Variants in AOAH observed in about 807,000 individuals in gnomAD.
The protein encoded by AOAH is acyloxyacyl hydrolase (neutrophil).
AOAH carries 64 observed loss-of-function variants against 92.2 expected under a neutral mutation model. That is an observed-to-expected ratio of 0.69 (90% confidence interval 0.57 to 0.86). The LOEUF (loss-of-function observed/expected upper bound fraction) is 0.86, where lower values mean the gene tolerates loss of function less well. Among genes scored for constraint, AOAH ranks in the 40% least tolerant of loss-of-function variants. The pLI, the probability that AOAH is intolerant of heterozygous loss-of-function variation, is 0.00. For missense variants in AOAH, 656 were observed against 694.6 expected, an observed-to-expected ratio of 0.94 and a Z score of 0.62; for synonymous variants, 263 against 254.5, an observed-to-expected ratio of 1.03 and a Z score of -0.32.
intron 13 of AOAH, among the ~76,000 whole-genome samples, chr7:36,552,960 T>C (rs905700736): frequency 6.6e-6 from 1 of 151,968 alleles, no homozygotes; most frequent in African/African-American, 2.4e-5. Context: ...CATTTTCTTT[T>C]TTTTTTTCTT....
At chr7:36,659,321 C>A in intron 3 of AOAH, 56 bp from the exon 4 acceptor site, 1 of 1,377,160 alleles carries the variant, frequency 7.3e-7, no homozygotes, top group Non-Finnish European at 1.0e-6. Context: ...CATTAGGAAA[C>A]AGAAGCTACT....
chr7:36,578,111 G>T (rs1788660804), intron 12 of AOAH, among the ~76,000 whole-genome samples: 1 of 152,186 alleles, frequency 6.6e-6, no homozygotes, highest in Admixed American at 6.5e-5. Flanking sequence ...CTTTGTAGTA[G>T]AATTTTGAGA....
chr7:36,617,329 C>A (rs1791971862), intron 10 of AOAH, among the ~76,000 whole-genome samples: 1 of 152,236 alleles, frequency 6.6e-6, no homozygotes, highest in Admixed American at 6.5e-5. Context: ...AGGGTTTCAC[C>A]TAGATCTGCA....
At chr7:36,650,226 A>C (rs943166267) in intron 4 of AOAH, among the ~76,000 whole-genome samples, 1 of 152,186 alleles carries the variant, frequency 6.6e-6, no homozygotes, top group African/African-American at 2.4e-5. Flanking sequence ...GTTTTGAGAA[A>C]ATCCGTAGAA....
intron 8 of AOAH, among the ~76,000 whole-genome samples, chr7:36,621,325 G>A (rs376349110): frequency 2.0e-5 from 3 of 152,166 alleles, no homozygotes; most frequent in Admixed American, 1.3e-4. Flanking sequence ...CCTTACTCCC[G>A]GAGGGAGAGG....
chr7:36,622,987 T>C (rs1266269839), intron 7 of AOAH, among the ~76,000 whole-genome samples: 2 of 152,164 alleles, frequency 1.3e-5, no homozygotes, highest in East Asian at 1.9e-4. Context: ...TTGCAGTGAG[T>C]GGAGACCATG....
chr7:36,601,061 G>A (rs1263316090), intron 11 of AOAH, among the ~76,000 whole-genome samples: 2 of 152,130 alleles, frequency 1.3e-5, no homozygotes, highest in Non-Finnish European at 2.9e-5. Flanking sequence ...GGGAGATGGC[G>A]CACACCACTG....
rs544245597 is a variant in AOAH, at chr7:36,685,716, G to C, written c.223+983C>G. On this transcript the variant is annotated intron_variant, in intron 2 of 20. Transcript: ENST00000617537. Reference sequence around the variant, plus strand: ...AAGAAGGGAAAGCTGAAGTTTAGCTGCCATGTTTTAACTTCACAAAAGAAA... The same window carrying C: ...AAGAAGGGAAAGCTGAAGTTTAGCTCCCATGTTTTAACTTCACAAAAGAAA... 1.3e-4 allele frequency among the ~76,000 whole-genome samples: 20 copies of C among 152,264 alleles called. 1 individual carries two copies. The South Asian group carries it at 4.1e-3, about 32-fold the overall frequency.
At chr7:36,663,771 A>C (rs1421748535) in intron 3 of AOAH, among the ~76,000 whole-genome samples, 1 of 152,188 alleles carries the variant, frequency 6.6e-6, no homozygotes. Context: ...ATCCTTGTGC[A>C]AGTTTTTGTG....
intron 1 of AOAH, chr7:36,690,172 C>T (rs1254178777): frequency 6.6e-6 from 3 of 454,674 alleles, no homozygotes; most frequent in Non-Finnish European, 1.3e-5. Context: ...GGCTTCTCAG[C>T]ACTGCTGGCT....
chr7:36,615,382 C>T (rs769458180), intron 11 of AOAH, among the ~76,000 whole-genome samples: 14 of 152,164 alleles, frequency 9.2e-5, no homozygotes, highest in Non-Finnish European at 1.5e-4. Context: ...GCACCTTTAA[C>T]GGAACTTTCG....
intron 1 of AOAH, among the ~76,000 whole-genome samples, chr7:36,688,889 T>TATACATACACATA (rs1797212224): frequency 6.6e-6 from 1 of 151,980 alleles, no homozygotes; most frequent in Non-Finnish European, 1.5e-5. Flanking sequence ...ATGGGTATAC[T>TATACATACACATA]TGTGTGTATA....
chr7:36,579,641 G>C (rs994466891), intron 12 of AOAH, among the ~76,000 whole-genome samples: 6 of 152,160 alleles, frequency 3.9e-5, no homozygotes, highest in African/African-American at 1.2e-4. Context: ...CTTGGAGTCT[G>C]ATATTCAAGG....
At chr7:36,553,371 T>C (rs533713492) in intron 13 of AOAH, among the ~76,000 whole-genome samples, 155 of 152,108 alleles carry the variant, frequency 1.0e-3, no homozygotes, top group African/African-American at 3.6e-3. Context: ...CACATTTTCT[T>C]AATCCAGTCT....
chr7:36,527,892 C>T (rs1784485677), intron 19 of AOAH, among the ~76,000 whole-genome samples: 1 of 152,216 alleles, frequency 6.6e-6, no homozygotes, highest in East Asian at 1.9e-4. Context: ...GGGATTATCC[C>T]TCCCACTGCT....
intron 4 of AOAH, among the ~76,000 whole-genome samples, chr7:36,641,394 C>T (rs1049365297): frequency 1.3e-5 from 2 of 152,184 alleles, no homozygotes; most frequent in Non-Finnish European, 2.9e-5. Flanking sequence ...CAATGACTCT[C>T]AGAGCTCCTG....
intron 15 of AOAH, among the ~76,000 whole-genome samples, chr7:36,540,741 C>T (rs1368236521): frequency 6.6e-6 from 1 of 152,184 alleles, no homozygotes; most frequent in African/African-American, 2.4e-5. Context: ...GCTGAAGTGA[C>T]ATGTGTCATA....
At chr7:36,536,497 C>A (rs991082296) in intron 16 of AOAH, among the ~76,000 whole-genome samples, 1 of 152,134 alleles carries the variant, frequency 6.6e-6, no homozygotes, top group Non-Finnish European at 1.5e-5. Context: ...GCAGAGCAAC[C>A]AAACCCTGAG....
intron 11 of AOAH, among the ~76,000 whole-genome samples, chr7:36,611,861 C>G (rs1435021249): frequency 1.3e-5 from 2 of 152,174 alleles, no homozygotes; most frequent in African/African-American, 4.8e-5. Context: ...GACACTGTTA[C>G]TATCATCATT....
Sources: gnomAD v4.1 joint callset for allele counts (sites outside exome capture counted in the v4.1 genomes callset) on GRCh38, gnomAD v4.1.1 for gene constraint, MANE v1.5 for transcripts, NCBI Gene and HGNC (gene_info 2026-07-23, HGNC 2026-07-21) for gene names.